The following CSMD1 variants were observed in gnomAD, a reference collection of about 807,000 sequenced individuals.
The protein encoded by CSMD1 is CUB and Sushi multiple domains 1.
Under a neutral mutation model 417.5 loss-of-function variants are expected in CSMD1, and 213 were observed. That is an observed-to-expected ratio of 0.51 (90% CI 0.46 to 0.57). The LOEUF (loss-of-function observed/expected upper bound fraction) is 0.57, where lower values mean the gene tolerates loss of function less well. CSMD1 is among the 20% of genes least tolerant of loss of function. The probability of loss-of-function intolerance (pLI) is 0.00; values close to 1 mark genes in which losing one functional copy is unlikely to be tolerated. For missense variants in CSMD1, 6,923 were observed against 4,529.7 expected (o/e 1.53, Z -15.17); for synonymous variants, 2,862 against 1,736.8 (o/e 1.65, Z -16.11).
chr8:4,369,213 T>A (rs1396916796), intron 3 of CSMD1, among the ~76,000 whole-genome samples: 1 of 152,222 alleles, frequency 6.6e-6, no homozygotes, highest in Non-Finnish European at 1.5e-5. Context: ...TACCTAAAAG[T>A]CATTTGGTGT....
intron 12 of CSMD1, among the ~76,000 whole-genome samples, chr8:3,443,254 A>G (rs1267605408): frequency 6.6e-6 from 1 of 152,192 alleles, no homozygotes; most frequent in African/African-American, 2.4e-5. Flanking sequence ...GAGCTCATCA[A>G]TAGATGGGTT....
chr8:3,666,561 C>T (rs1781778427), intron 7 of CSMD1, among the ~76,000 whole-genome samples: 3 of 152,090 alleles, frequency 2.0e-5, no homozygotes. Context: ...TTGGCTGTGT[C>T]CCCACCCAAA....
intron 7 of CSMD1, among the ~76,000 whole-genome samples, chr8:3,675,206 G>A (rs1799310938): frequency 6.6e-6 from 1 of 152,102 alleles, no homozygotes. Context: ...CAGAAGGCCT[G>A]ACCACACCTG....
chr8:3,964,268 T>G (rs528611679), intron 5 of CSMD1, among the ~76,000 whole-genome samples: 322 of 152,342 alleles, frequency 2.1e-3, no homozygotes, highest in Non-Finnish European at 3.4e-3. Flanking sequence ...CTTTGGGGCT[T>G]AGAGCTCACA....
At chr8:3,977,485 AT>A (rs1563275800) in intron 5 of CSMD1, among the ~76,000 whole-genome samples, 2 of 152,282 alleles carry the variant, frequency 1.3e-5, no homozygotes, top group African/African-American at 4.8e-5. Flanking sequence ...GAAAAAAAAA[AT>A]TAAGGAAAAC....
chr8:4,424,829 T>A (rs983397832), intron 2 of CSMD1, among the ~76,000 whole-genome samples: 1 of 152,128 alleles, frequency 6.6e-6, no homozygotes, highest in Non-Finnish European at 1.5e-5. Flanking sequence ...GGTTTCCACT[T>A]GAGAAACTGG....
intron 6 of CSMD1, among the ~76,000 whole-genome samples, chr8:3,750,512 G>A (rs895057612): frequency 1.3e-5 from 2 of 150,802 alleles, no homozygotes; most frequent in East Asian, 3.9e-4. Flanking sequence ...CTTTTTTTTT[G>A]TTTCGCAATT....
intron 7 of CSMD1, among the ~76,000 whole-genome samples, chr8:3,619,250 C>A (rs559307109): frequency 1.3e-5 from 2 of 152,262 alleles, no homozygotes; most frequent in East Asian, 1.9e-4. Context: ...ATGTACCCCC[C>A]AAAAACGTGA....
intron 1 of CSMD1, among the ~76,000 whole-genome samples, chr8:4,937,753 C>T (rs186697704): frequency 1.3e-5 from 2 of 151,546 alleles, no homozygotes; most frequent in African/African-American, 4.8e-5. Flanking sequence ...GTGATCTGAT[C>T]TAGAGAGAAG....
intron 2 of CSMD1, among the ~76,000 whole-genome samples, chr8:4,421,007 C>G (rs1797222204): frequency 6.6e-6 from 1 of 152,120 alleles, no homozygotes; most frequent in Non-Finnish European, 1.5e-5. Flanking sequence ...ACTGCAGTAT[C>G]TGCTGTCTGC....
At chr8:3,523,017 A>C (rs918132388) in intron 10 of CSMD1, among the ~76,000 whole-genome samples, 3 of 61,060 alleles carry the variant, frequency 4.9e-5, no homozygotes, top group African/African-American at 1.3e-4. Context: ...ACACACACCC[A>C]CACACACACA....
At chr8:4,644,980 G>A (rs1803432708) in intron 1 of CSMD1, among the ~76,000 whole-genome samples, 1 of 152,186 alleles carries the variant, frequency 6.6e-6, no homozygotes, top group East Asian at 1.9e-4. Flanking sequence ...AGCAGGGAAA[G>A]CAGTGGTACT....
At chr8:3,933,879 C>G (rs1008897258) in intron 5 of CSMD1, among the ~76,000 whole-genome samples, 3 of 152,032 alleles carry the variant, frequency 2.0e-5, no homozygotes, top group African/African-American at 7.3e-5. Flanking sequence ...TTTAACAAAG[C>G]TTTATTTACT....
chr8:3,503,269 C>T (rs989258683), intron 10 of CSMD1, among the ~76,000 whole-genome samples: 1 of 152,264 alleles, frequency 6.6e-6, no homozygotes, highest in African/African-American at 2.4e-5. Context: ...AGATGTTTAG[C>T]CCCACATATA....
chr8:3,727,259 G>C (rs1007385723), intron 6 of CSMD1, among the ~76,000 whole-genome samples: 1 of 152,140 alleles, frequency 6.6e-6, no homozygotes, highest in South Asian at 2.1e-4. Flanking sequence ...CTAACCTCTG[G>C]AAAGTAATTC....
intron 7 of CSMD1, among the ~76,000 whole-genome samples, chr8:3,683,507 C>G (rs1385276802): frequency 6.6e-6 from 1 of 152,146 alleles, no homozygotes; most frequent in East Asian, 1.9e-4. Context: ...CCTCCTCTCA[C>G]TTGGAGGGGG....
At chr8:4,756,641 A>C (rs1811685615) in intron 1 of CSMD1, among the ~76,000 whole-genome samples, 1 of 152,176 alleles carries the variant, frequency 6.6e-6, no homozygotes, top group South Asian at 2.1e-4. Flanking sequence ...TCCAGGATTA[A>C]CTTCGCCCTG....
chr8:4,063,970 G>A (rs1479550376), intron 3 of CSMD1, among the ~76,000 whole-genome samples: 1 of 152,132 alleles, frequency 6.6e-6, no homozygotes, highest in African/African-American at 2.4e-5. Flanking sequence ...AACAAAAAGA[G>A]AGTGTGTGTT....
Position 3,664,420 on chromosome 8 carries a change from C to A in CSMD1, c.1009+43994G>T, listed in dbSNP as rs2117475152. On this transcript the variant is annotated intron_variant, in intron 7 of 69. Coordinates refer to ENST00000635120, the MANE Select transcript of CSMD1 (RefSeq NM_033225.6). ...TCAATAACCTGAATCAGTTCTCTTC[C>A]AAAACCATGTTATTCTGGGCAAAAT... is the stretch of plus-strand genomic sequence containing the variant. Among the ~76,000 whole-genome samples, 3 of 152,272 alleles carry A rather than the reference C, an allele frequency of 2.0e-5. No individual in the cohort carries two copies. The Middle Eastern group carries it at 0.01, about 518-fold the overall frequency.
Sources: allele counts gnomAD v4.1 joint callset (sites outside exome capture counted in the v4.1 genomes callset), GRCh38; gene constraint gnomAD v4.1.1; transcripts MANE v1.5; gene names NCBI Gene and HGNC (gene_info 2026-07-23, HGNC 2026-07-21).